ACAD9: variants seen among roughly 807,000 people sequenced by gnomAD.
The protein encoded by ACAD9 is complex I assembly factor ACAD9, mitochondrial.
In ACAD9, 53 loss-of-function variants were observed where a neutral mutation model predicts 70.2. The observed-to-expected ratio is 0.75, with a 90% CI of 0.61 to 0.95. The LOEUF is 0.95. ACAD9 is among the 40% of genes least tolerant of loss of function. The pLI, the probability that ACAD9 is intolerant of heterozygous loss-of-function variation, is 0.00. For missense variants in ACAD9, 777 were observed against 802.8 expected (o/e 0.97, Z 0.39); for synonymous variants, 313 against 312.1 (o/e 1.00, Z -0.03).
At chr3:128,890,325 A>G (rs1010329803) in intron 2 of ACAD9, among the ~76,000 whole-genome samples, 1 of 152,080 alleles carries the variant, frequency 6.6e-6, no homozygotes, top group Non-Finnish European at 1.5e-5. Context: ...ACCTCAGGTG[A>G]TCTGCCCGAC....
At chr3:128,903,989 T>C in intron 9 of ACAD9, 73 bp from the exon 10 acceptor site, 1 of 1,506,696 alleles carries the variant, frequency 6.6e-7, no homozygotes, top group Non-Finnish European at 9.2e-7. Context: ...AGGGTAAGGA[T>C]GATGGCCATA....
chr3:128,884,935 T>C (rs535958993), intron 2 of ACAD9, among the ~76,000 whole-genome samples, 189 bp downstream of exon 2: 1 of 152,356 alleles, frequency 6.6e-6, no homozygotes, highest in South Asian at 2.1e-4. Context: ...TGCTTCTCAT[T>C]GTATTTGTGG....
chr3:128,912,811 C>G lies in ACAD9; in HGVS notation c.*204C>G. ...GCAGTGCTCTCTAACAGGACCATCA[C>G]AGCTTCTGAACTGAGCCGGAGAGAG... On this transcript the variant is annotated 3_prime_UTR_variant, in exon 18 of 18. Coordinates refer to ENST00000308982, the MANE Select transcript of ACAD9 (RefSeq NM_014049.5). 1.4e-6 allele frequency: 1 copy of G among 722,310 alleles called. No individual in the cohort carries two copies. 44.7% of individuals were successfully genotyped at this position (722,310 alleles called of 1,614,324 possible).
intron 1 of ACAD9, among the ~76,000 whole-genome samples, chr3:128,881,113 A>G (rs1935079384): frequency 6.6e-6 from 1 of 152,216 alleles, no homozygotes; most frequent in Non-Finnish European, 1.5e-5. Context: ...AACTTTACAG[A>G]TGAAGAAGCT....
rs1388587443 is a variant in ACAD9, at chr3:128,902,146, A to G, written c.883-407A>G. 6.6e-6 allele frequency among the ~76,000 whole-genome samples: 1 copy of G among 152,224 alleles called. No homozygotes were observed. Among genetic ancestry groups the G allele is most frequent in the Non-Finnish European group, 1.5e-5 (1 of 68,048 alleles). On this transcript the variant is annotated intron_variant, in intron 8 of 17. Coordinates refer to ENST00000308982, the MANE Select transcript of ACAD9 (RefSeq NM_014049.5). This position sits in a 1 kb window ranked among gnomAD's most constrained non-coding sequence, Gnocchi z 4.0. ...GGGGTTGTTACCGCTTTTGGCTGCT[A>G]TCAGTAATGCTACTTATGAACATTC...
At chr3:128,898,750 CT>C (rs1435209390) in intron 6 of ACAD9, among the ~76,000 whole-genome samples, 1 of 152,068 alleles carries the variant, frequency 6.6e-6, no homozygotes, top group Non-Finnish European at 1.5e-5. Context: ...TGCCTCATAC[CT>C]TTTTTTGGTT....
chr3:128,897,433 CAT>C (rs1187408473), intron 5 of ACAD9, among the ~76,000 whole-genome samples, 197 bp from the exon 6 acceptor site: 1 of 152,122 alleles, frequency 6.6e-6, no homozygotes, highest in Non-Finnish European at 1.5e-5. Context: ...GCCTCAGCCT[CAT>C]GTTCTATTAA....
intron 12 of ACAD9, among the ~76,000 whole-genome samples, chr3:128,907,509 G>A (rs1033305319): frequency 6.6e-6 from 1 of 152,150 alleles, no homozygotes; most frequent in Non-Finnish European, 1.5e-5. Flanking sequence ...GAGCTGGGTG[G>A]TCCTGCCAGG....
chr3:128,905,059 T>C (rs530491688), intron 11 of ACAD9, among the ~76,000 whole-genome samples: 100 of 151,874 alleles, frequency 6.6e-4, no homozygotes, highest in African/African-American at 2.2e-3. Context: ...GGCAAGAGAA[T>C]CACTTGAACC....
Position 128,902,608 on chromosome 3 carries a change from GGC to G in ACAD9, c.939_940del (p.Leu314AlafsTer6), listed in dbSNP as rs780520030. 1 of 1,614,184 alleles carries G rather than the reference GGC, an allele frequency of 6.2e-7. No individual in the cohort carries two copies. Among genetic ancestry groups the G allele is most frequent in the Admixed American group, 1.7e-5 (1 of 60,026 alleles). On this transcript the variant is annotated frameshift_variant, in exon 9 of 18. Transcript: ENST00000308982. LOFTEE classifies it high-confidence loss of function. This position sits in a 1 kb window ranked among gnomAD's most constrained non-coding sequence, Gnocchi z 4.0. ...TTCAGCATGGGCAGCGTCGTGGCTG[GGC>G]TGCTCAAGAGATTGATTGGTAGGTA... is the stretch of plus-strand genomic sequence containing the variant.
rs1305747177 is a variant in ACAD9 at position 128,910,033 on chromosome 3, G to T, written c.1576G>T (p.Glu526Ter). Residue 526 changes from glutamate to a stop codon, truncating the protein, a stop_gained, in exon 16 of 18, where the codon GAG (glutamate) becomes TAG (stop). Coordinates refer to ENST00000308982, the MANE Select transcript of ACAD9 (RefSeq NM_014049.5). LOFTEE classifies it high-confidence loss of function. Reference protein sequence around the residue: ...LLRFGKTIMEEQLVLKRVANI... With the variant: ...LLRFGKTIME ...TCTGTGATCCCAGACCATCATGGAG[G>T]AGCAGCTGGTACTGAAGCGGGTGGC... 1 of 1,613,728 alleles carries T rather than the reference G, an allele frequency of 6.2e-7. No homozygotes were observed. The highest frequency in any genetic ancestry group is 8.5e-7 in the Non-Finnish European group (1 of 1,179,946).
intron 2 of ACAD9, among the ~76,000 whole-genome samples, chr3:128,888,176 A>G (rs1490555783): frequency 1.3e-5 from 2 of 152,226 alleles, no homozygotes; most frequent in East Asian, 1.9e-4. Flanking sequence ...TTCTGGGAAC[A>G]TGGTACTTTG....
At position 128,901,348 on chromosome 3, in the gene ACAD9, A is replaced by G; in HGVS notation, c.881A>G (p.Lys294Arg). 1 of 1,614,176 alleles carries G rather than the reference A, an allele frequency of 6.2e-7. No homozygotes were observed. The highest frequency in any genetic ancestry group is 8.5e-7 in the Non-Finnish European group (1 of 1,179,988). The change falls in exon 8 of 18, where the codon AAG (lysine) becomes AGG (arginine). Residue 294 changes from lysine (K) to arginine (R), a missense_variant and splice_region_variant. Lys to Arg is a conservative substitution (Grantham distance 26, BLOSUM62 2). Transcript: ENST00000308982. ...NILGEVGDGF[K>R]VAMNILNSGR... ...CTTGGAGAGGTCGGAGATGGGTTTA[A>G]GGTGAGTTGCCAGCCACAGCCCCTT...
chr3:128,880,983 CG>C (rs1480008374), intron 1 of ACAD9, among the ~76,000 whole-genome samples: 2 of 150,804 alleles, frequency 1.3e-5, no homozygotes, highest in African/African-American at 4.8e-5. Context: ...GCTATTTCGT[CG>C]AGGTGCCCTA....
At chr3:128,905,825 C>T (rs761059958) in intron 11 of ACAD9, among the ~76,000 whole-genome samples, 39 of 152,092 alleles carry the variant, frequency 2.6e-4, no homozygotes, top group Non-Finnish European at 5.0e-4. Context: ...TTGGCAGGAA[C>T]AGGTCAGGTT....
chr3:128,902,446 T>C lies in ACAD9; in HGVS notation c.883-107T>C. 1 of 1,078,262 alleles carries C rather than the reference T, an allele frequency of 9.3e-7. No homozygotes were observed. Among genetic ancestry groups the C allele is most frequent in the Non-Finnish European group, 1.4e-6 (1 of 695,352 alleles). 66.8% of individuals were successfully genotyped at this position (1,078,262 alleles called of 1,614,324 possible). ...GTTCTGAGGCATTAGGATGGTGCTTTCTCCCAGCTTGAGGGAAGGCAAGCT... is the reference window on the plus strand; with the variant it reads ...GTTCTGAGGCATTAGGATGGTGCTTCCTCCCAGCTTGAGGGAAGGCAAGCT... On this transcript the variant is annotated intron_variant, in intron 8 of 17. Transcript: ENST00000308982. The surrounding 1 kb of genome is among the most constrained non-coding windows in gnomAD (Gnocchi z 4.0).
chr3:128,904,753 T>C (rs1935838795), intron 11 of ACAD9, among the ~76,000 whole-genome samples: 1 of 152,214 alleles, frequency 6.6e-6, no homozygotes, highest in African/African-American at 2.4e-5. Flanking sequence ...TAATATCCTT[T>C]TAGAGTAATA....
intron 2 of ACAD9, among the ~76,000 whole-genome samples, chr3:128,885,206 A>G (rs1415045571): frequency 6.6e-6 from 1 of 152,194 alleles, no homozygotes; most frequent in East Asian, 1.9e-4. Context: ...CTGCATGGTG[A>G]GGCAGCATTT....
chr3:128,905,977 A>G, intron 11 of ACAD9, 144 bp from the exon 12 acceptor site: 1 of 1,102,844 alleles, frequency 9.1e-7, no homozygotes, highest in Non-Finnish European at 1.3e-6. Context: ...CACGGAAGGC[A>G]AAGGACTTGA....
Sources: gnomAD v4.1 joint callset for allele counts (sites outside exome capture counted in the v4.1 genomes callset) on GRCh38, gnomAD v4.1.1 for gene constraint, Gnocchi (gnomAD v3.1) non-coding constraint, MANE v1.5 for transcripts, NCBI Gene and HGNC (gene_info 2026-07-23, HGNC 2026-07-21) for gene names.